Variants in GNAO1 observed in about 807,000 individuals in gnomAD.
GNAO1 encodes G protein subunit alpha o1.
For missense variants in GNAO1, 166 were observed against 478.7 expected (o/e 0.35, Z 6.10); for synonymous variants, 164 against 180.7 (o/e 0.91, Z 0.74).
intron 6 of GNAO1, chr16:56,348,233 G>C (rs979229086): frequency 4.1e-6 from 4 of 980,042 alleles, no homozygotes; most frequent in Admixed American, 6.1e-5. Context: ...GGCCCAGGGA[G>C]CTCCTGCCAG....
At chr16:56,282,808 G>A (rs753644964) in intron 3 of GNAO1, among the ~76,000 whole-genome samples, 8 of 152,218 alleles carry the variant, frequency 5.3e-5, no homozygotes, top group Admixed American at 6.5e-5. Flanking sequence ...GAGGTCATAC[G>A]TAGATCCAGA....
chr16:56,228,390 T>C (rs1210942310), intron 2 of GNAO1, among the ~76,000 whole-genome samples: 1 of 151,986 alleles, frequency 6.6e-6, no homozygotes, highest in Non-Finnish European at 1.5e-5. Context: ...CGTGAGTGTG[T>C]GTGTGTATAT....
At chr16:56,245,203 C>T (rs2143439316) in intron 2 of GNAO1, among the ~76,000 whole-genome samples, 1 of 152,242 alleles carries the variant, frequency 6.6e-6, no homozygotes, top group Admixed American at 6.5e-5. Context: ...GTGGCCTCTG[C>T]TAGGCTGTTG....
chr16:56,313,008 G>A (rs1272653012), intron 3 of GNAO1, among the ~76,000 whole-genome samples: 7 of 152,258 alleles, frequency 4.6e-5, no homozygotes, highest in African/African-American at 1.7e-4. Flanking sequence ...TACAGGCAGG[G>A]GATCCAGAGA....
intron 3 of GNAO1, among the ~76,000 whole-genome samples, chr16:56,315,256 C>T (rs1466359378): frequency 6.6e-6 from 1 of 152,260 alleles, no homozygotes; most frequent in African/African-American, 2.4e-5. Flanking sequence ...TCACCATCGT[C>T]ACTTCGTGTT....
At chr16:56,206,617 A>G (rs891897523) in intron 2 of GNAO1, among the ~76,000 whole-genome samples, 21 of 152,348 alleles carry the variant, frequency 1.4e-4, no homozygotes, top group African/African-American at 4.6e-4. Flanking sequence ...TGGTTACACT[A>G]CTGTGTATGT....
intron 2 of GNAO1, among the ~76,000 whole-genome samples, chr16:56,262,466 G>C (rs77972764): frequency 0.05 from 7,607 of 152,214 alleles, 214 homozygotes; most frequent in Middle Eastern, 0.071. Flanking sequence ...CTTTCCTGTG[G>C]TTCATGAGAA....
intron 2 of GNAO1, among the ~76,000 whole-genome samples, chr16:56,268,372 G>A (rs1010775512): frequency 1.1e-4 from 16 of 152,210 alleles, no homozygotes; most frequent in Non-Finnish European, 2.2e-4. Flanking sequence ...AGATTGAGAA[G>A]CTCTGGAAGG....
chr16:56,212,810 C>T (rs902079063), intron 2 of GNAO1, among the ~76,000 whole-genome samples: 3 of 152,152 alleles, frequency 2.0e-5, no homozygotes, highest in African/African-American at 7.2e-5. Context: ...GGTAGGGTTT[C>T]GATTCACAGA....
chr16:56,335,108 G>C lies in GNAO1; in HGVS notation c.593+251G>C, dbSNP rs961946633. On this transcript the variant is annotated intron_variant, in intron 5 of 8. Transcript: ENST00000262493. The stretch of plus-strand genomic sequence containing the variant: ...TGAGGAACAGGGAGGATTTGGACAA[G>C]GAGGGGCAGCCTGTCCCTGAGGTGA... 2.0e-5 allele frequency among the ~76,000 whole-genome samples: 3 copies of C among 152,360 alleles called. No homozygotes were observed. In the East Asian group the frequency reaches 5.8e-4, roughly 29 times the overall value.
chr16:56,198,952 C>T (rs940353283), intron 2 of GNAO1, among the ~76,000 whole-genome samples: 4 of 152,182 alleles, frequency 2.6e-5, no homozygotes, highest in Non-Finnish European at 4.4e-5. Flanking sequence ...AGCCCAAGAG[C>T]TGGGGTGACA....
intron 2 of GNAO1, among the ~76,000 whole-genome samples, chr16:56,217,470 ATAG>A (rs2036446202): frequency 6.6e-6 from 1 of 152,240 alleles, no homozygotes; most frequent in Admixed American, 6.5e-5. Flanking sequence ...TAAAACTGAC[ATAG>A]TGGATTCTTT....
intron 2 of GNAO1, among the ~76,000 whole-genome samples, chr16:56,262,133 A>G (rs1235889292): frequency 6.6e-6 from 1 of 152,226 alleles, no homozygotes; most frequent in Non-Finnish European, 1.5e-5. Context: ...TTGAGCTCCT[A>G]TCTCTCAAGG....
At chr16:56,236,204 G>A (rs1397230167) in intron 2 of GNAO1, among the ~76,000 whole-genome samples, 1 of 152,210 alleles carries the variant, frequency 6.6e-6, no homozygotes, top group African/African-American at 2.4e-5. Context: ...GAAGTGAGTG[G>A]TGTGGGCAAT....
intron 3 of GNAO1, among the ~76,000 whole-genome samples, chr16:56,280,589 G>C (rs2037104542): frequency 6.6e-6 from 1 of 152,104 alleles, no homozygotes; most frequent in Admixed American, 6.6e-5. Context: ...GGCAGGGAGG[G>C]GGATGGCAGG....
rs184576122 is a variant in GNAO1 at position 56,293,216 on chromosome 16, G to A, written c.303+17144G>A. Among the ~76,000 whole-genome samples the A allele has an allele frequency of 6.5e-4, 99 of 152,354 alleles. 1 individual carries two copies. The highest frequency in any genetic ancestry group is 5.8e-4 in the East Asian group (3 of 5,190). ...TTTTGTCAATAGGGAGCCAGTCTCT[G>A]GCATAGTGCTCAGGTGTGAATTTTA... On this transcript the variant is annotated intron_variant, in intron 3 of 8. Transcript: ENST00000262493.
At chr16:56,318,017 C>T (rs1596861451) in intron 3 of GNAO1, among the ~76,000 whole-genome samples, 2 of 152,292 alleles carry the variant, frequency 1.3e-5, no homozygotes, top group Admixed American at 1.3e-4. Context: ...CCAGTTGTTG[C>T]CACTACCAAA....
Position 56,326,005 on chromosome 16 carries a change from C to T in GNAO1, c.304-2626C>T, listed in dbSNP as rs531150887. 1.2e-4 allele frequency among the ~76,000 whole-genome samples: 18 copies of T among 152,300 alleles called. 1 individual carries two copies. The South Asian group carries it at 3.7e-3, about 32-fold the overall frequency. On this transcript the variant is annotated intron_variant, in intron 3 of 8. Transcript: ENST00000262493. This position sits in a 1 kb window ranked among gnomAD's most constrained non-coding sequence, Gnocchi z 4.8. The stretch of plus-strand genomic sequence containing the variant: ...TGGTCACATGCTCACCAGCCACCTC[C>T]TCCACTCATCGACCCTCTTCCTTGC...
intron 2 of GNAO1, chr16:56,255,686 T>C (rs2036840059): frequency 6.6e-6 from 1 of 152,132 alleles, no homozygotes. Flanking sequence ...TTCAGGGCAA[T>C]TGTCTTCTGT....
Sources: allele counts gnomAD v4.1 joint callset (sites outside exome capture counted in the v4.1 genomes callset), GRCh38; gene constraint gnomAD v4.1.1; non-coding constraint Gnocchi (gnomAD v3.1); transcripts MANE v1.5; gene names NCBI Gene and HGNC (gene_info 2026-07-23, HGNC 2026-07-21).